The following ZZEF1 variants were observed in gnomAD, a reference collection of about 807,000 sequenced individuals.
ZZEF1 encodes the protein zinc finger ZZ-type and EF-hand domain containing 1, also known as zinc finger ZZ-type and EF-hand domain-containing protein 1.
Under a neutral mutation model 342.8 loss-of-function variants are expected in ZZEF1, and 157 were observed. The ratio of observed to expected loss-of-function variants is 0.46; its 90% confidence interval spans 0.40 to 0.52. The LOEUF is 0.52. ZZEF1 is among the 20% of genes least tolerant of loss of function. The probability of loss-of-function intolerance (pLI) is 0.00; values close to 1 mark genes in which losing one functional copy is unlikely to be tolerated. For missense variants in ZZEF1, 3,480 were observed against 3,725.6 expected (o/e 0.93, Z 1.72); for synonymous variants, 1,505 against 1,429.1 (o/e 1.05, Z -1.20).
chr17:4,124,109 CAA>C (rs1271777762), intron 1 of ZZEF1, 58 bp from the exon 2 acceptor site: 1 of 1,517,418 alleles, frequency 6.6e-7, no homozygotes, highest in African/African-American at 1.4e-5. Context: ...AGGGCAGTTT[CAA>C]GTTTCTTTTA....
rs199798137 is a variant in ZZEF1 at position 4,049,803 on chromosome 17, C to G, written c.5920G>C (p.Asp1974His). The G allele has an allele frequency of 6.2e-7, 1 of 1,614,194 alleles. No homozygotes were observed. Reference sequence around the variant, plus strand: ...GGCACAGTGACTGGTAGGGCCTGATCTTCTAGGCTCGAGTCCCCATCTGGC... The same window carrying G: ...GGCACAGTGACTGGTAGGGCCTGATGTTCTAGGCTCGAGTCCCCATCTGGC... The part of the protein sequence containing the change: ...VLPDGDSSLE[D>H]QALPVTVPTG... The change falls in exon 37 of 55, where the codon GAT becomes CAT. Residue 1974 changes from aspartate to histidine, a missense_variant. Asp to His is a moderately conservative substitution (Grantham distance 81). Coordinates refer to ENST00000381638, the MANE Select transcript of ZZEF1 (RefSeq NM_015113.4).
In ZZEF1 at chr17:4,008,586, C is replaced by T. The variant is rs1203561758; in HGVS notation, c.8805+297G>A. 1 of 1,139,524 alleles carries T rather than the reference C, an allele frequency of 8.8e-7. No homozygotes were observed. Among genetic ancestry groups the T allele is most frequent in the South Asian group, 3.1e-5 (1 of 31,822 alleles). 70.6% of individuals were successfully genotyped at this position (1,139,524 alleles called of 1,614,324 possible). ...ACTCACATCTAAAAATATGTGAAAT[C>T]TAACTCCACGGAAACTTCAAGAATC... On this transcript the variant is annotated intron_variant, in intron 54 of 54. Transcript: ENST00000381638. This position sits in a 1 kb window ranked among gnomAD's most constrained non-coding sequence, Gnocchi z 4.2.
At position 4,059,301 on chromosome 17, in the gene ZZEF1, A is replaced by G. The variant is rs1307149259; in HGVS notation, c.4884-11T>C. On this transcript the variant is annotated splice_polypyrimidine_tract_variant and intron_variant, in intron 30 of 54. Coordinates refer to ENST00000381638, the MANE Select transcript of ZZEF1 (RefSeq NM_015113.4). Reference sequence around the variant, plus strand: ...AGGTGTCCAAAATAACTAGAAACAGAGGAAATCACTGATTCACTTAATTGC... The same window carrying G: ...AGGTGTCCAAAATAACTAGAAACAGGGGAAATCACTGATTCACTTAATTGC... 3 of 1,591,826 alleles carry G rather than the reference A, an allele frequency of 1.9e-6. No homozygotes were observed. The highest frequency in any genetic ancestry group is 1.7e-4 in the Middle Eastern group (1 of 6,010).
At chr17:4,063,767 G>A (rs1343036287) in intron 29 of ZZEF1, among the ~76,000 whole-genome samples, 5 of 143,618 alleles carry the variant, frequency 3.5e-5, no homozygotes, top group African/African-American at 8.0e-5. Flanking sequence ...TTGCTCTGTC[G>A]CCCAGGTTGG....
chr17:4,137,684 C>T (rs2058774890), intron 1 of ZZEF1, among the ~76,000 whole-genome samples: 1 of 152,230 alleles, frequency 6.6e-6, no homozygotes. Context: ...AGCCAGCCAT[C>T]CCTTACCAAA....
chr17:4,122,273 T>C (rs1427001715), intron 2 of ZZEF1, among the ~76,000 whole-genome samples: 6 of 152,158 alleles, frequency 3.9e-5, no homozygotes, highest in South Asian at 2.1e-4. Context: ...TCAAACACAA[T>C]TGTCTTCTCA....
chr17:4,112,397 T>C (rs2058327759), intron 5 of ZZEF1, among the ~76,000 whole-genome samples: 3 of 152,036 alleles, frequency 2.0e-5, no homozygotes, highest in Admixed American at 2.0e-4. Flanking sequence ...TCACCTGCCT[T>C]GGCCTCCCAA....
intron 18 of ZZEF1, among the ~76,000 whole-genome samples, chr17:4,080,464 C>G (rs187666925): frequency 2.6e-5 from 4 of 152,052 alleles, no homozygotes; most frequent in African/African-American, 7.3e-5. Context: ...CTCAGCCTCC[C>G]GAGTAGCTGG....
intron 37 of ZZEF1, among the ~76,000 whole-genome samples, chr17:4,048,873 ATT>A (rs71144157): frequency 1.7e-4 from 23 of 133,702 alleles, no homozygotes; most frequent in South Asian, 9.7e-4. Flanking sequence ...AGCCTGGATA[ATT>A]TTTTTTTTTT....
intron 37 of ZZEF1, among the ~76,000 whole-genome samples, chr17:4,044,931 A>C (rs908588453): frequency 6.6e-6 from 1 of 151,900 alleles, no homozygotes; most frequent in Non-Finnish European, 1.5e-5. Flanking sequence ...AGGCGGGCAG[A>C]TCCCTTGAGG....
At chr17:4,133,556 C>T (rs2058702717) in intron 1 of ZZEF1, among the ~76,000 whole-genome samples, 1 of 152,152 alleles carries the variant, frequency 6.6e-6, no homozygotes. Context: ...AGAAGTGAGA[C>T]TCACTCCCTC....
intron 38 of ZZEF1, among the ~76,000 whole-genome samples, chr17:4,043,541 C>T (rs11871538): frequency 0.12 from 18,468 of 152,216 alleles, 1,182 homozygotes; most frequent in Middle Eastern, 0.14. Context: ...CCTCCAGTCT[C>T]CTGAGCCCAC....
chr17:4,069,127 A>G (rs2057460228), intron 26 of ZZEF1, among the ~76,000 whole-genome samples: 1 of 152,218 alleles, frequency 6.6e-6, no homozygotes, highest in Admixed American at 6.5e-5. Flanking sequence ...GCAAACAGGT[A>G]TGTGGTATCT....
At chr17:4,072,544 T>TA (rs1458631660) in intron 25 of ZZEF1, 64 bp downstream of exon 25, 2 of 1,516,344 alleles carry the variant, frequency 1.3e-6, no homozygotes, top group African/African-American at 1.4e-5. Flanking sequence ...GTTTATAACT[T>TA]AAAGTAATAA....
At chr17:4,110,180 A>G (rs1439736356) in intron 5 of ZZEF1, among the ~76,000 whole-genome samples, 3 of 152,240 alleles carry the variant, frequency 2.0e-5, no homozygotes, top group Non-Finnish European at 4.4e-5. Flanking sequence ...CTGTCTGAAT[A>G]CATGGTAAGA....
At chr17:4,100,175 C>T (rs187944730) in intron 9 of ZZEF1, among the ~76,000 whole-genome samples, 229 of 152,272 alleles carry the variant, frequency 1.5e-3, no homozygotes, top group Non-Finnish European at 1.9e-3. Flanking sequence ...GCTTTTACTC[C>T]GATAAGGGGA....
intron 33 of ZZEF1, 96 bp downstream of exon 33, chr17:4,056,120 C>T: frequency 1.5e-6 from 2 of 1,315,804 alleles, no homozygotes; most frequent in Non-Finnish European, 2.0e-6. Context: ...ACCTGCAGCC[C>T]TCTCAGGTAA....
Position 4,075,101 on chromosome 17 carries a change from G to A in ZZEF1, c.3479C>T (p.Pro1160Leu). The change falls in exon 23 of 55, where the codon CCC (proline) becomes CTC (leucine). Residue 1160 changes from proline to leucine, a missense_variant. This residue lies in a region of ZZEF1 where 1,528 missense variants were observed against 1,624.1 expected (regional missense o/e 0.94). Coordinates refer to ENST00000381638, the MANE Select transcript of ZZEF1 (RefSeq NM_015113.4). ...YDTKVGTDKWPKKVTFKAGPR... is the reference protein window; with the variant it reads ...YDTKVGTDKWLKKVTFKAGPR... ...CTTTCTGGGACTATCACTCACCTTG[G>A]GCCATTTATCAGTGCCAACTTTTGT... 2 of 1,614,070 alleles carry A rather than the reference G, an allele frequency of 1.2e-6. No homozygotes were observed. Among genetic ancestry groups the A allele is most frequent in the Non-Finnish European group, 1.7e-6 (2 of 1,179,988 alleles).
At chr17:4,105,884 C>A in intron 6 of ZZEF1, 75 bp from the exon 7 acceptor site, 1 of 1,138,338 alleles carries the variant, frequency 8.8e-7, no homozygotes, top group East Asian at 2.4e-5. Flanking sequence ...CTGTTAGAAG[C>A]TTGTTTTGAC....
Sources: gnomAD v4.1 joint callset for allele counts (sites outside exome capture counted in the v4.1 genomes callset) on GRCh38, gnomAD v4.1.1 for gene constraint, gnomAD v4.1.1 regional missense constraint, Gnocchi (gnomAD v3.1) non-coding constraint, MANE v1.5 for transcripts, NCBI Gene and HGNC (gene_info 2026-07-23, HGNC 2026-07-21) for gene names.